Variants in CSMD2 observed in about 807,000 individuals in gnomAD.
CSMD2 encodes the protein CUB and Sushi multiple domains 2, also known as CUB and sushi domain-containing protein 2.
CSMD2 carries 130 observed loss-of-function variants against 398.5 expected under a neutral mutation model. That is an observed-to-expected ratio of 0.33 (90% CI 0.28 to 0.38). The LOEUF (loss-of-function observed/expected upper bound fraction) is 0.38, where lower values mean the gene tolerates loss of function less well. CSMD2 is among the 10% of genes least tolerant of loss of function. CSMD2 has a pLI of 1.00. For synonymous variants in CSMD2, 1,828 were observed against 1,908.5 expected (o/e 0.96, Z 1.10); for missense variants, 3,829 against 4,764.9 (o/e 0.80, Z 5.78).
intron 41 of CSMD2, 112 bp from the exon 42 acceptor site, chr1:33,605,582 T>G (rs986638634): frequency 1.9e-6 from 2 of 1,075,300 alleles, no homozygotes; most frequent in Middle Eastern, 2.7e-4. Context: ...ACCTTTGTCA[T>G]GTACAAGTCA....
intron 1 of CSMD2, among the ~76,000 whole-genome samples, chr1:34,096,263 A>T (rs1659287268): frequency 6.6e-6 from 1 of 151,944 alleles, no homozygotes. Flanking sequence ...ACATATTTCA[A>T]AATAATAAGA....
At chr1:33,736,446 A>G (rs1177028288) in intron 15 of CSMD2, among the ~76,000 whole-genome samples, 1 of 151,606 alleles carries the variant, frequency 6.6e-6, no homozygotes, top group Non-Finnish European at 1.5e-5. Context: ...ACGCCACTGC[A>G]CTCCAGCCTG....
chr1:33,606,479 T>G (rs1313981389), intron 41 of CSMD2, among the ~76,000 whole-genome samples: 1 of 152,222 alleles, frequency 6.6e-6, no homozygotes, highest in East Asian at 1.9e-4. Flanking sequence ...CTGGGCAGGT[T>G]TCCCTGGGAA....
chr1:34,015,382 T>C (rs922291027), intron 3 of CSMD2, among the ~76,000 whole-genome samples: 7 of 152,222 alleles, frequency 4.6e-5, no homozygotes, highest in African/African-American at 1.7e-4. Flanking sequence ...AAGAACTCTA[T>C]GATTCCAAAG....
intron 3 of CSMD2, among the ~76,000 whole-genome samples, chr1:33,986,349 G>GGGGAA (rs892167590): frequency 1.3e-5 from 2 of 152,166 alleles, no homozygotes; most frequent in African/African-American, 4.8e-5. Context: ...TGGGTAGGCA[G>GGGGAA]GGGAAGGGAA....
In CSMD2 at chr1:33,929,649, G is replaced by A. The variant is rs191608217; in HGVS notation, c.712+6111C>T. Among the ~76,000 whole-genome samples, 4 of 152,026 alleles carry A rather than the reference G, an allele frequency of 2.6e-5. No homozygotes were observed. The East Asian group carries it at 7.8e-4, about 30-fold the overall frequency. The stretch of plus-strand genomic sequence containing the variant: ...GATGGAGTTTCACCATGTTGGTCAG[G>A]CTGGTCTCAAACTCCTGATCTCGCG... On this transcript the variant is annotated intron_variant, in intron 4 of 70. Coordinates refer to ENST00000373381, the MANE Select transcript of CSMD2 (RefSeq NM_001281956.2).
At chr1:33,937,842 G>T (rs369600294) in intron 3 of CSMD2, among the ~76,000 whole-genome samples, 2 of 152,216 alleles carry the variant, frequency 1.3e-5, no homozygotes, top group Non-Finnish European at 2.9e-5. Context: ...CTGGCACAAC[G>T]CCCAGAACAT....
At chr1:34,065,361 A>C (rs1459107593) in intron 2 of CSMD2, among the ~76,000 whole-genome samples, 2 of 152,222 alleles carry the variant, frequency 1.3e-5, no homozygotes, top group African/African-American at 4.8e-5. Context: ...TGCAGACTCC[A>C]TCAGGCATGG....
intron 1 of CSMD2, among the ~76,000 whole-genome samples, chr1:34,143,497 T>C (rs927318976): frequency 2.0e-5 from 3 of 152,166 alleles, no homozygotes; most frequent in Non-Finnish European, 4.4e-5. Context: ...GCTCACCACA[T>C]TGCTTTTAAA....
At chr1:33,958,813 G>A (rs1419570257) in intron 3 of CSMD2, among the ~76,000 whole-genome samples, 1 of 152,178 alleles carries the variant, frequency 6.6e-6, no homozygotes, top group Non-Finnish European at 1.5e-5. Flanking sequence ...CTGGACTTCT[G>A]ACCCATGGAA....
intron 5 of CSMD2, among the ~76,000 whole-genome samples, chr1:33,877,320 G>A (rs1450125270): frequency 2.6e-5 from 4 of 152,164 alleles, no homozygotes; most frequent in Non-Finnish European, 5.9e-5. Context: ...CCAATGGCTC[G>A]TTAACAGAGG....
chr1:33,532,952 C>T (rs973643190), intron 64 of CSMD2, 98 bp downstream of exon 64: 133 of 1,149,624 alleles, frequency 1.2e-4, no homozygotes, highest in South Asian at 1.8e-4. Flanking sequence ...CTCCTTGAAA[C>T]GCAATTCCTT....
intron 1 of CSMD2, among the ~76,000 whole-genome samples, chr1:34,115,166 A>C (rs1661487800): frequency 1.3e-5 from 2 of 152,136 alleles, no homozygotes; most frequent in African/African-American, 4.8e-5. Context: ...AAGAGAAAAA[A>C]AGGAACAGAA....
At chr1:33,783,766 C>A (rs1474431905) in intron 12 of CSMD2, among the ~76,000 whole-genome samples, 2 of 152,070 alleles carry the variant, frequency 1.3e-5, no homozygotes, top group African/African-American at 4.8e-5. Flanking sequence ...CTGTGCCCCC[C>A]AAAAAGACGT....
At chr1:33,820,581 A>T in intron 7 of CSMD2, 25 bp from the exon 8 acceptor site, 1 of 1,171,554 alleles carries the variant, frequency 8.5e-7, no homozygotes, top group Non-Finnish European at 1.2e-6. Context: ...AAAAAAAAAA[A>T]AAAAAAACAG....
At position 33,580,767 on chromosome 1, in the gene CSMD2, T is replaced by A; in HGVS notation, c.7373A>T (p.Lys2458Met). 1 of 1,614,128 alleles carries A rather than the reference T, an allele frequency of 6.2e-7. No homozygotes were observed. Among genetic ancestry groups the A allele is most frequent in the South Asian group, 1.1e-5 (1 of 91,072 alleles). The change falls in exon 48 of 71, where the codon AAG becomes ATG. Residue 2458 changes from lysine (K) to methionine (M), a missense_variant. This residue lies in a region of CSMD2 where 723 missense variants were observed against 758.6 expected (regional missense o/e 0.95). Transcript: ENST00000373381. ...SDHAYNRKGF[K>M]IRYSAPYCSL... ...TTTTCACTCACCTGAATAGCGGATC[T>A]TGAAGCCCTTCCGATTGTAGGCGTG...
chr1:33,646,865 C>A lies in CSMD2; in HGVS notation c.4587-30G>T. 1.9e-6 allele frequency: 3 copies of A among 1,581,210 alleles called. No individual in the cohort carries two copies. The South Asian group carries it at 3.4e-5, about 18-fold the overall frequency. On this transcript the variant is annotated intron_variant, in intron 28 of 70. Transcript: ENST00000373381. ...GGAACAAAAACATCCCACCCCCACC[C>A]CACTAAGGTCAAATAAAGGCTTTTG...
At chr1:33,829,397 T>C (rs1409991752) in intron 6 of CSMD2, among the ~76,000 whole-genome samples, 1 of 152,226 alleles carries the variant, frequency 6.6e-6, no homozygotes. Flanking sequence ...GACTTTCCTT[T>C]TTTTATTATT....
At chr1:33,580,944 C>A (rs758104313) in intron 47 of CSMD2, 45 bp from the exon 48 acceptor site, 2 of 1,603,932 alleles carry the variant, frequency 1.2e-6, no homozygotes, top group Admixed American at 1.7e-5. Flanking sequence ...GGAGCCATCA[C>A]AGGGAGCCTC....
Sources: allele counts gnomAD v4.1 joint callset (sites outside exome capture counted in the v4.1 genomes callset), GRCh38; gene constraint gnomAD v4.1.1; regional missense constraint gnomAD v4.1.1; transcripts MANE v1.5; gene names NCBI Gene and HGNC (gene_info 2026-07-23, HGNC 2026-07-21).